The following TMEM108 variants were observed in gnomAD, a reference collection of about 807,000 sequenced individuals.
The protein encoded by TMEM108 is transmembrane protein 108, also known as cancer/testis antigen 124.
Under a neutral mutation model 35.1 loss-of-function variants are expected in TMEM108, and 12 were observed. The observed-to-expected ratio is 0.34, with a 90% CI of 0.22 to 0.55. The LOEUF is 0.55. Ranked by LOEUF, TMEM108 falls within the 20% of genes least tolerant of loss-of-function variation. TMEM108 has a pLI of 0.89. For missense variants in TMEM108, 680 were observed against 753.3 expected (o/e 0.90, Z 1.14); for synonymous variants, 287 against 308.6 (o/e 0.93, Z 0.73).
At chr3:133,241,076 C>T (rs1314068316) in intron 3 of TMEM108, among the ~76,000 whole-genome samples, 1 of 152,098 alleles carries the variant, frequency 6.6e-6, no homozygotes, top group African/African-American at 2.4e-5. Flanking sequence ...TTGTTAAAAT[C>T]TGGTATAATT....
chr3:133,234,716 C>G, intron 3 of TMEM108, among the ~76,000 whole-genome samples: 1 of 152,136 alleles, frequency 6.6e-6, no homozygotes, highest in Admixed American at 6.5e-5. Flanking sequence ...TCTCTCACCA[C>G]TCCTATTCAA....
chr3:133,364,751 A>G (rs1228336518), intron 3 of TMEM108, among the ~76,000 whole-genome samples: 3 of 152,248 alleles, frequency 2.0e-5, no homozygotes, highest in Non-Finnish European at 2.9e-5. Context: ...CATCATGAAC[A>G]TTAATTGAAA....
chr3:133,078,739 A>G (rs1279723761), intron 2 of TMEM108, among the ~76,000 whole-genome samples: 1 of 152,200 alleles, frequency 6.6e-6, no homozygotes, highest in Non-Finnish European at 1.5e-5. Context: ...CAAAATACCA[A>G]ATTATTCATT....
chr3:133,112,493 T>C (rs1222761127), intron 2 of TMEM108, among the ~76,000 whole-genome samples: 5 of 152,162 alleles, frequency 3.3e-5, no homozygotes, highest in African/African-American at 1.2e-4. Flanking sequence ...AAAGAAACTT[T>C]CTGATGTTTA....
intron 2 of TMEM108, among the ~76,000 whole-genome samples, chr3:133,223,638 A>G (rs1344141774): frequency 3.9e-5 from 6 of 152,204 alleles, no homozygotes; most frequent in Middle Eastern, 3.2e-3. Flanking sequence ...GTGGCTTGCC[A>G]TCTATCCAAA....
At chr3:133,267,413 G>A (rs946654726) in intron 3 of TMEM108, among the ~76,000 whole-genome samples, 1 of 152,202 alleles carries the variant, frequency 6.6e-6, no homozygotes, top group Non-Finnish European at 1.5e-5. Context: ...CCTGGAGAAA[G>A]CAGCTAGAGA....
chr3:133,157,083 CTTAATAT>C (rs1332137825), intron 2 of TMEM108, among the ~76,000 whole-genome samples: 1 of 152,154 alleles, frequency 6.6e-6, no homozygotes, highest in Non-Finnish European at 1.5e-5. Context: ...ACCAATCATT[CTTAATAT>C]TACTTGAGTA....
intron 2 of TMEM108, among the ~76,000 whole-genome samples, chr3:133,222,394 A>G (rs954413536): frequency 3.3e-5 from 5 of 152,140 alleles, no homozygotes; most frequent in African/African-American, 1.2e-4. Flanking sequence ...TCTTATTGGA[A>G]GCCTTTGACC....
chr3:133,069,418 C>G (rs886234139), intron 2 of TMEM108, among the ~76,000 whole-genome samples: 1 of 152,118 alleles, frequency 6.6e-6, no homozygotes, highest in African/African-American at 2.4e-5. Flanking sequence ...ACTTACTTTA[C>G]TCCCTCAGGA....
chr3:133,062,519 A>T (rs1943548434), intron 2 of TMEM108, among the ~76,000 whole-genome samples: 1 of 152,204 alleles, frequency 6.6e-6, no homozygotes, highest in Non-Finnish European at 1.5e-5. Context: ...GTCTTACCAT[A>T]AGAATTTGTG....
At chr3:133,058,310 G>A (rs889911681) in intron 2 of TMEM108, among the ~76,000 whole-genome samples, 2 of 152,198 alleles carry the variant, frequency 1.3e-5, no homozygotes, top group African/African-American at 2.4e-5. Flanking sequence ...GATTTAGGAA[G>A]AGAGCTGATG....
chr3:133,366,877 G>A (rs559979333), intron 3 of TMEM108, among the ~76,000 whole-genome samples: 112 of 152,318 alleles, frequency 7.4e-4, no homozygotes, highest in Non-Finnish European at 1.3e-3. Flanking sequence ...TGTTCAACAG[G>A]CTGAAAAAGA....
chr3:133,068,241 G>C (rs1943634300), intron 2 of TMEM108, among the ~76,000 whole-genome samples: 1 of 152,140 alleles, frequency 6.6e-6, no homozygotes, highest in East Asian at 1.9e-4. Context: ...TGTGGCCAAG[G>C]AAGGCCTCTC....
rs139514654 is a variant in TMEM108 at position 133,397,215 on chromosome 3, G to A, written c.*1229G>A. 6.6e-6 allele frequency: 1 copy of A among 152,296 alleles called. No homozygotes were observed. The highest frequency in any genetic ancestry group is 6.5e-5 in the Admixed American group (1 of 15,290). The allele number at this position is 152,296 out of a possible 1,614,324, so 9.4% of individuals were successfully genotyped here. On this transcript the variant is annotated 3_prime_UTR_variant, in exon 6 of 6. Transcript: ENST00000321871. ...TCTCTATTTTTTCCTGATTGTGGCT[G>A]AGAGAGATGATTACTGCTTTGACAC... is the stretch of plus-strand genomic sequence containing the variant.
intron 2 of TMEM108, among the ~76,000 whole-genome samples, chr3:133,207,229 A>G (rs1411711395): frequency 1.3e-5 from 2 of 152,068 alleles, no homozygotes; most frequent in Non-Finnish European, 2.9e-5. Flanking sequence ...TCCCTTAGCT[A>G]TGGGAGGGAG....
At chr3:133,330,340 G>C (rs1367834793) in intron 3 of TMEM108, among the ~76,000 whole-genome samples, 3 of 152,138 alleles carry the variant, frequency 2.0e-5, no homozygotes, top group African/African-American at 7.2e-5. Context: ...TCTAAATCCA[G>C]ATTCTCCATC....
chr3:133,395,068 G>A (rs941146160), intron 5 of TMEM108, among the ~76,000 whole-genome samples: 9 of 152,282 alleles, frequency 5.9e-5, no homozygotes, highest in Admixed American at 3.9e-4. Context: ...TTAGTAGCCC[G>A]TAAATGTTTG....
chr3:133,186,798 T>C (rs1005950227), intron 2 of TMEM108, among the ~76,000 whole-genome samples: 1 of 152,226 alleles, frequency 6.6e-6, no homozygotes, highest in African/African-American at 2.4e-5. Context: ...ATTTTAAATA[T>C]CATATTGCTT....
intron 3 of TMEM108, among the ~76,000 whole-genome samples, chr3:133,326,926 C>G (rs1369299981): frequency 6.6e-6 from 1 of 152,132 alleles, no homozygotes; most frequent in Non-Finnish European, 1.5e-5. Flanking sequence ...TATTATTTTC[C>G]CACCTCCGTT....
Sources: allele counts gnomAD v4.1 joint callset (sites outside exome capture counted in the v4.1 genomes callset), GRCh38; gene constraint gnomAD v4.1.1; transcripts MANE v1.5; gene names NCBI Gene and HGNC (gene_info 2026-07-23, HGNC 2026-07-21).